NRXN3: variants seen among roughly 807,000 people sequenced by gnomAD.
NRXN3 encodes neurexin III.
In NRXN3, 32 loss-of-function variants were observed where a neutral mutation model predicts 137.6. The observed-to-expected ratio is 0.23, with a 90% CI of 0.18 to 0.31. The LOEUF is 0.31. NRXN3 is among the 10% of genes least tolerant of loss of function. NRXN3 has a pLI of 1.00. For missense variants in NRXN3, 1,574 were observed against 2,062.5 expected, an observed-to-expected ratio of 0.76 and a Z score of 4.59; for synonymous variants, 798 against 784.5, an observed-to-expected ratio of 1.02 and a Z score of -0.29.
At chr14:79,385,975 T>C (rs1485813857) in intron 15 of NRXN3, among the ~76,000 whole-genome samples, 2 of 152,168 alleles carry the variant, frequency 1.3e-5, no homozygotes, top group African/African-American at 4.8e-5. Context: ...GAGCTATCTA[T>C]GGCAAACCCA....
intron 8 of NRXN3, among the ~76,000 whole-genome samples, chr14:78,717,339 T>C (rs1443926335): frequency 1.3e-5 from 2 of 152,152 alleles, no homozygotes; most frequent in African/African-American, 2.4e-5. Context: ...AGGCAGCTGA[T>C]TGGGGATATA....
chr14:78,304,961 C>G (rs1425870551), intron 4 of NRXN3, among the ~76,000 whole-genome samples: 1 of 152,232 alleles, frequency 6.6e-6, no homozygotes, highest in African/African-American at 2.4e-5. Context: ...CACACACACA[C>G]CTGCGTGCCA....
intron 4 of NRXN3, among the ~76,000 whole-genome samples, chr14:78,406,792 G>A (rs1454851874): frequency 6.6e-6 from 1 of 152,192 alleles, no homozygotes; most frequent in East Asian, 1.9e-4. Flanking sequence ...TCAGAGGTTG[G>A]AGGTGGGGGT....
intron 15 of NRXN3, among the ~76,000 whole-genome samples, chr14:79,415,078 G>A (rs1254175356): frequency 6.6e-6 from 1 of 152,002 alleles, no homozygotes; most frequent in Admixed American, 6.6e-5. Flanking sequence ...CTATATATAT[G>A]TGTGTTTATA....
intron 15 of NRXN3, among the ~76,000 whole-genome samples, chr14:79,326,829 G>A (rs981436814): frequency 3.3e-5 from 5 of 152,044 alleles, no homozygotes; most frequent in African/African-American, 7.2e-5. Context: ...AGATAAAGAC[G>A]AACAAAATTG....
chr14:78,861,123 A>G (rs1234231713), intron 10 of NRXN3, among the ~76,000 whole-genome samples: 1 of 152,154 alleles, frequency 6.6e-6, no homozygotes, highest in Non-Finnish European at 1.5e-5. Context: ...GTCTTCACAA[A>G]GCTAAACTGA....
At chr14:79,166,800 T>C (rs1268530480) in intron 15 of NRXN3, among the ~76,000 whole-genome samples, 1 of 151,948 alleles carries the variant, frequency 6.6e-6, no homozygotes, top group Non-Finnish European at 1.5e-5. Context: ...ATGCTACATC[T>C]ATCTGAGATT....
chr14:78,562,391 T>C lies in NRXN3; in HGVS notation c.758-82729T>C, dbSNP rs144528613. ...CAGCCTGGTGACAGAGTGAGACTTA[T>C]ATCTCAAAAAAAAAAAAAAAAAAAA... On this transcript the variant is annotated intron_variant, in intron 4 of 20. Coordinates refer to ENST00000335750, the MANE Select transcript of NRXN3 (RefSeq NM_001330195.2). Among the ~76,000 whole-genome samples, 581 of 109,658 alleles carry C rather than the reference T, an allele frequency of 5.3e-3. 1 individual carries two copies. The highest frequency in any genetic ancestry group is 7.0e-3 in the Admixed American group (61 of 8,716). 71.9% of individuals were successfully genotyped at this position (109,658 alleles called of 152,430 possible).
intron 4 of NRXN3, among the ~76,000 whole-genome samples, chr14:78,409,546 A>G (rs1249657732): frequency 6.6e-6 from 1 of 152,172 alleles, no homozygotes; most frequent in Non-Finnish European, 1.5e-5. Flanking sequence ...AGCTATTTCT[A>G]TGAAGGGGTG....
At chr14:79,429,729 A>G (rs144540008) in intron 15 of NRXN3, among the ~76,000 whole-genome samples, 1 of 152,248 alleles carries the variant, frequency 6.6e-6, no homozygotes, top group African/African-American at 2.4e-5. Context: ...ACCCAGATCT[A>G]TCGTCACCTC....
chr14:79,745,520 A>AAC (rs1356765910), intron 19 of NRXN3, among the ~76,000 whole-genome samples: 1 of 152,144 alleles, frequency 6.6e-6, no homozygotes, highest in Admixed American at 6.6e-5. Context: ...AACAAATCCA[A>AAC]ACCAGCAGCA....
At chr14:79,618,809 C>T (rs2098190230) in intron 16 of NRXN3, among the ~76,000 whole-genome samples, 1 of 152,132 alleles carries the variant, frequency 6.6e-6, no homozygotes, top group Non-Finnish European at 1.5e-5. Context: ...AATGTACATT[C>T]TCACCAACAG....
chr14:79,037,117 A>G (rs2152514839), intron 15 of NRXN3, among the ~76,000 whole-genome samples: 1 of 152,226 alleles, frequency 6.6e-6, no homozygotes, highest in African/African-American at 2.4e-5. Context: ...GGAGTGCTCT[A>G]GCTTCTTCAT....
chr14:79,813,146 A>T (rs1477960847), intron 20 of NRXN3, among the ~76,000 whole-genome samples: 1 of 152,178 alleles, frequency 6.6e-6, no homozygotes, highest in Non-Finnish European at 1.5e-5. Flanking sequence ...AATTCACACC[A>T]TCATTCTTAA....
chr14:78,804,749 G>A (rs144642797), intron 9 of NRXN3, among the ~76,000 whole-genome samples: 1 of 152,062 alleles, frequency 6.6e-6, no homozygotes, highest in African/African-American at 2.4e-5. Flanking sequence ...ATAGAGATTG[G>A]GATCCTCTTG....
At chr14:78,477,927 C>G (rs1290821596) in intron 4 of NRXN3, among the ~76,000 whole-genome samples, 1 of 151,964 alleles carries the variant, frequency 6.6e-6, no homozygotes, top group Non-Finnish European at 1.5e-5. Context: ...CATACACAGG[C>G]TAACGGGAAA....
In NRXN3 at chr14:78,893,914, G is replaced by A. The variant is rs7147965; in HGVS notation, c.2276-63328G>A. Among the ~76,000 whole-genome samples, 605 of 152,010 alleles carry A rather than the reference G, an allele frequency of 4.0e-3. 5 individuals carry two copies. Among genetic ancestry groups the A allele is most frequent in the African/African-American group, 0.014 (581 of 41,508 alleles). ...ATATAAAAGTTATTTTTACTCTATA[G>A]TCTATTAAGTATGCAATAGAATGAT... On this transcript the variant is annotated intron_variant, in intron 10 of 20. Transcript: ENST00000335750.
At chr14:78,971,668 T>A (rs6574477) in intron 14 of NRXN3, among the ~76,000 whole-genome samples, 22,674 of 152,024 alleles carry the variant, frequency 0.15, 2,660 homozygotes, top group African/African-American at 0.33. Flanking sequence ...GGAGTTTCGC[T>A]CTTGTTGCCC....
chr14:78,647,168 T>A (rs2097696214), intron 5 of NRXN3, among the ~76,000 whole-genome samples: 1 of 152,234 alleles, frequency 6.6e-6, no homozygotes, highest in Non-Finnish European at 1.5e-5. Context: ...TTTTCTAAAA[T>A]AGTATCAGGC....
Sources: gnomAD v4.1 joint callset for allele counts (sites outside exome capture counted in the v4.1 genomes callset) on GRCh38, gnomAD v4.1.1 for gene constraint, MANE v1.5 for transcripts, NCBI Gene and HGNC (gene_info 2026-07-23, HGNC 2026-07-21) for gene names.